Variants in NFX1 observed in about 807,000 individuals in gnomAD.
The protein encoded by NFX1 is transcriptional repressor NF-X1.
Under a neutral mutation model 137.2 loss-of-function variants are expected in NFX1, and 69 were observed. The observed-to-expected ratio is 0.50, with a 90% CI of 0.41 to 0.61. The LOEUF is 0.61. NFX1 is among the 20% of genes least tolerant of loss of function. NFX1 has a pLI of 0.00. For missense variants in NFX1, 1,167 were observed against 1,391.0 expected, an observed-to-expected ratio of 0.84 and a Z score of 2.56; for synonymous variants, 495 against 474.1, an observed-to-expected ratio of 1.04 and a Z score of -0.57.
chr9:33,314,601 C>T (rs1046500727), intron 7 of NFX1, among the ~76,000 whole-genome samples: 2 of 151,948 alleles, frequency 1.3e-5, no homozygotes, highest in African/African-American at 4.8e-5. Context: ...CACTTGAACC[C>T]GGGAGGCGGA....
intron 15 of NFX1, 97 bp from the exon 16 acceptor site, chr9:33,351,463 A>C: frequency 8.2e-7 from 1 of 1,224,012 alleles, no homozygotes; most frequent in Non-Finnish European, 1.2e-6. Context: ...AACAAAACCA[A>C]ACCCTGCCAT....
At chr9:33,306,429 C>T (rs1307032406) in intron 4 of NFX1, among the ~76,000 whole-genome samples, 1 of 152,128 alleles carries the variant, frequency 6.6e-6, no homozygotes, top group Non-Finnish European at 1.5e-5. Flanking sequence ...ACTGAAGATT[C>T]AGGGCAAGAG....
intron 2 of NFX1, 55 bp downstream of exon 2, chr9:33,295,482 A>G (rs953886922): frequency 4.9e-5 from 74 of 1,495,714 alleles, no homozygotes; most frequent in Non-Finnish European, 6.3e-5. Flanking sequence ...AAATTTTTAA[A>G]TAAGTCATAT....
In NFX1 at chr9:33,360,967, T is replaced by C. The variant is rs1354550101; in HGVS notation, c.2874-3043T>C. ...TAAAAAAATAAAATAACTTGAATGT[T>C]GGTGAGATGCCATGAGATTCAGACA... is the stretch of plus-strand genomic sequence containing the variant. On this transcript the variant is annotated intron_variant, in intron 19 of 23. Coordinates refer to ENST00000379540, the MANE Select transcript of NFX1 (RefSeq NM_002504.6). Among the ~76,000 whole-genome samples, 6 of 152,216 alleles carry C rather than the reference T, an allele frequency of 3.9e-5. No individual in the cohort carries two copies. The East Asian group carries it at 1.2e-3, about 29-fold the overall frequency.
chr9:33,333,126 A>G (rs12005352), intron 11 of NFX1, among the ~76,000 whole-genome samples: 1,835 of 151,962 alleles, frequency 0.012, 42 homozygotes, highest in African/African-American at 0.039. Flanking sequence ...GATTACAGGC[A>G]TGAGTCACCA....
chr9:33,301,844 G>C (rs1821579051), intron 3 of NFX1, among the ~76,000 whole-genome samples: 1 of 152,200 alleles, frequency 6.6e-6, no homozygotes, highest in African/African-American at 2.4e-5. Flanking sequence ...GGCCAAGGCA[G>C]GCGGATCATC....
chr9:33,328,632 G>GCT lies in NFX1; in HGVS notation c.1962_1963dup (p.Arg655LeufsTer60). 6.2e-7 allele frequency: 1 copy of GCT among 1,612,552 alleles called. No homozygotes were observed. Among genetic ancestry groups the GCT allele is most frequent in the Non-Finnish European group, 8.5e-7 (1 of 1,178,726 alleles). ...TGCCATGAAGGAGACTGTGGACCAT[G>GCT]CTCTCGCACATCAGTTATTTCCTGC... On this transcript the variant is annotated frameshift_variant, in exon 10 of 24. Transcript: ENST00000379540. LOFTEE classifies it high-confidence loss of function.
At chr9:33,337,652 G>A (rs1041732228) in intron 11 of NFX1, among the ~76,000 whole-genome samples, 12 of 152,148 alleles carry the variant, frequency 7.9e-5, no homozygotes, top group African/African-American at 1.7e-4. Context: ...TCATTTGAGT[G>A]CAGGAATTCG....
chr9:33,328,755 A>G (rs1465644987), intron 10 of NFX1, 77 bp downstream of exon 10: 3 of 1,201,956 alleles, frequency 2.5e-6, no homozygotes, highest in East Asian at 4.7e-5. Context: ...GGAGGAATCA[A>G]AATAACCTCA....
intron 22 of NFX1, among the ~76,000 whole-genome samples, chr9:33,366,995 G>T (rs1024386529): frequency 2.6e-5 from 4 of 152,250 alleles, no homozygotes; most frequent in African/African-American, 9.6e-5. Flanking sequence ...AAATGCACAA[G>T]TGTCACATCT....
intron 11 of NFX1, among the ~76,000 whole-genome samples, chr9:33,337,068 G>T (rs1028242713): frequency 6.6e-6 from 1 of 152,102 alleles, no homozygotes; most frequent in African/African-American, 2.4e-5. Flanking sequence ...GTAGAGACAG[G>T]GTCTCATTAT....
chr9:33,290,550 C>T lies in NFX1; in HGVS notation c.-23C>T, dbSNP rs759946910. 1 of 1,613,934 alleles carries T rather than the reference C, an allele frequency of 6.2e-7. No homozygotes were observed. Among genetic ancestry groups the T allele is most frequent in the Non-Finnish European group, 8.5e-7 (1 of 1,179,922 alleles). ...ACAGTGCTGACTTGGCTGTACAGCTCGATCTAGGTTCTGCGGCACGGGATG... is the reference window on the plus strand; with the variant it reads ...ACAGTGCTGACTTGGCTGTACAGCTTGATCTAGGTTCTGCGGCACGGGATG... On this transcript the variant is annotated 5_prime_UTR_variant, in exon 1 of 24. Coordinates refer to ENST00000379540, the MANE Select transcript of NFX1 (RefSeq NM_002504.6).
chr9:33,342,121 C>G (rs112160926), intron 12 of NFX1, among the ~76,000 whole-genome samples: 5 of 143,912 alleles, frequency 3.5e-5, no homozygotes, highest in African/African-American at 1.4e-4. Flanking sequence ...GTCTCTGTCT[C>G]TCTCTCTCAC....
intron 9 of NFX1, among the ~76,000 whole-genome samples, chr9:33,323,197 C>T (rs1008767892): frequency 1.3e-5 from 2 of 152,100 alleles, no homozygotes; most frequent in Admixed American, 6.6e-5. Context: ...GTGACACCAG[C>T]GGCTACATAC....
At chr9:33,324,652 G>A (rs764594075) in intron 9 of NFX1, among the ~76,000 whole-genome samples, 1 of 152,124 alleles carries the variant, frequency 6.6e-6, no homozygotes, top group Non-Finnish European at 1.5e-5. Flanking sequence ...ATTTGGTCAG[G>A]CACAGTGGCT....
chr9:33,304,279 A>G (rs1267343571), intron 4 of NFX1, among the ~76,000 whole-genome samples: 1 of 152,190 alleles, frequency 6.6e-6, no homozygotes, highest in Non-Finnish European at 1.5e-5. Flanking sequence ...TAAATAAATA[A>G]AATAAAAACA....
chr9:33,357,693 G>A (rs532830518), intron 19 of NFX1, among the ~76,000 whole-genome samples: 3 of 151,500 alleles, frequency 2.0e-5, no homozygotes, highest in South Asian at 2.1e-4. Context: ...CACTACGCCT[G>A]GCTAAGATTT....
chr9:33,309,352 G>A (rs1292784624), intron 5 of NFX1, among the ~76,000 whole-genome samples: 10 of 72,900 alleles, frequency 1.4e-4, no homozygotes, highest in African/African-American at 5.2e-4. Context: ...GCAAGACTCC[G>A]TCTCAGAGAA....
chr9:33,319,090 A>G lies in NFX1; in HGVS notation c.1869A>G (p.Gly623=). 6.2e-7 allele frequency: 1 copy of G among 1,614,198 alleles called. No individual in the cohort carries two copies. The highest frequency in any genetic ancestry group is 8.5e-7 in the Non-Finnish European group (1 of 1,180,040). The part of the protein sequence containing the change: ...KTCMDPVPSC[G]KVCGKPLPCG... ...GCATGGACCCTGTGCCTTCATGTGG[A>G]AAAGTGTGCGGCAAGCCTCTGCCTT... The change falls in exon 9 of 24, where the codon GGA becomes GGG. Residue 623 remains glycine, a synonymous_variant. Transcript: ENST00000379540.
Sources: gnomAD v4.1 joint callset for allele counts (sites outside exome capture counted in the v4.1 genomes callset) on GRCh38, gnomAD v4.1.1 for gene constraint, MANE v1.5 for transcripts, NCBI Gene and HGNC (gene_info 2026-07-23, HGNC 2026-07-21) for gene names.